Variants in ZNF804A observed in about 807,000 individuals in gnomAD.
ZNF804A encodes zinc finger protein 804A.
ZNF804A carries 2 observed loss-of-function variants against 16.5 expected under a neutral mutation model. The observed-to-expected ratio is 0.12, with a 90% confidence interval of 0.05 to 0.38. ZNF804A has a LOEUF of 0.38. Among genes scored for constraint, ZNF804A ranks in the 10% least tolerant of loss-of-function variants. The pLI is 0.99. For missense variants in ZNF804A, 1,473 were observed against 1,390.7 expected (o/e 1.06, Z -0.94); for synonymous variants, 534 against 489.6 (o/e 1.09, Z -1.20).
chr2:184,747,238 T>C (rs1238721851), intron 1 of ZNF804A, among the ~76,000 whole-genome samples: 1 of 148,028 alleles, frequency 6.8e-6, no homozygotes, highest in Non-Finnish European at 1.5e-5. Context: ...AATTAAGAAA[T>C]GTTTGAAATA....
rs749333274 is a variant in ZNF804A, at chr2:184,936,934, T to C, written c.1538T>C (p.Ile513Thr). The change falls in exon 4 of 4, where the codon ATT becomes ACT. Residue 513 changes from isoleucine (I) to threonine (T), a missense_variant. Ile to Thr is a moderately conservative substitution (Grantham distance 89). Transcript: ENST00000302277. ...ACAGAAGGACTCACTGATTATGAAA[T>C]TGGAAGTAGCAAAAATAAATGCAGC... ...VSTEGLTDYE[I>T]GSSKNKCSQV... is the part of the protein sequence containing the mutation. 3.7e-6 allele frequency: 6 copies of C among 1,613,966 alleles called. No homozygotes were observed. Among genetic ancestry groups the C allele is most frequent in the South Asian group, 1.1e-5 (1 of 91,072 alleles).
intron 2 of ZNF804A, among the ~76,000 whole-genome samples, chr2:184,884,280 A>G (rs1323857799): frequency 6.6e-6 from 1 of 151,840 alleles, no homozygotes; most frequent in Non-Finnish European, 1.5e-5. Flanking sequence ...GAATTACAAA[A>G]CCCTCCTCAA....
At chr2:184,776,462 G>T (rs1049481883) in intron 1 of ZNF804A, among the ~76,000 whole-genome samples, 3 of 150,970 alleles carry the variant, frequency 2.0e-5, no homozygotes, top group Non-Finnish European at 4.4e-5. Flanking sequence ...GGTTTTGTTG[G>T]TTGATTTATA....
At chr2:184,782,181 G>A (rs1214433108) in intron 1 of ZNF804A, among the ~76,000 whole-genome samples, 1 of 151,582 alleles carries the variant, frequency 6.6e-6, no homozygotes, top group Non-Finnish European at 1.5e-5. Flanking sequence ...GAATTTTGTT[G>A]GGGGACACCA....
At chr2:184,748,133 A>G (rs1693822104) in intron 1 of ZNF804A, among the ~76,000 whole-genome samples, 2 of 151,558 alleles carry the variant, frequency 1.3e-5, no homozygotes, top group South Asian at 4.2e-4. Flanking sequence ...TCCTTTGGGT[A>G]TATACCCAAT....
At chr2:184,718,762 A>T (rs1203294534) in intron 1 of ZNF804A, among the ~76,000 whole-genome samples, 1 of 152,130 alleles carries the variant, frequency 6.6e-6, no homozygotes, top group Non-Finnish European at 1.5e-5. Flanking sequence ...GTGACTTTGC[A>T]AGGTATAGCC....
chr2:184,880,459 C>T (rs1312388127), intron 2 of ZNF804A, among the ~76,000 whole-genome samples: 1 of 151,606 alleles, frequency 6.6e-6, no homozygotes, highest in Non-Finnish European at 1.5e-5. Flanking sequence ...ATTGTTAAGA[C>T]ACATTTTTTA....
rs1460995817 is a variant in ZNF804A, at chr2:184,931,454, CCA to C, written c.256-2147_256-2146del. On this transcript the variant is annotated intron_variant, in intron 2 of 3. Transcript: ENST00000302277. ...CCACAGGCTCAACACCATGTGTAAG[CCA>C]CCAAGACTTCGGGCTTGCACCCTCT... is the stretch of plus-strand genomic sequence containing the variant. 3.9e-5 allele frequency among the ~76,000 whole-genome samples: 6 copies of C among 152,344 alleles called. No individual in the cohort carries two copies. The East Asian group carries it at 1.2e-3, about 30-fold the overall frequency.
At position 184,853,765 on chromosome 2, in the gene ZNF804A, T is replaced by A. The variant is rs1381132969; in HGVS notation, c.112-12604T>A. Among the ~76,000 whole-genome samples the A allele has an allele frequency of 4.6e-5, 7 of 151,834 alleles. No homozygotes were observed. In the South Asian group the frequency reaches 1.2e-3, roughly 27 times the overall value. Reference sequence around the variant, plus strand: ...AATCTCAACTGATCTTGGTAAATAATGATTTTAATGTGCTGTTGAATTTTG... The same window carrying A: ...AATCTCAACTGATCTTGGTAAATAAAGATTTTAATGTGCTGTTGAATTTTG... On this transcript the variant is annotated intron_variant, in intron 1 of 3. Coordinates refer to ENST00000302277, the MANE Select transcript of ZNF804A (RefSeq NM_194250.2).
chr2:184,665,009 A>G (rs777223585), intron 1 of ZNF804A, among the ~76,000 whole-genome samples: 29 of 152,186 alleles, frequency 1.9e-4, no homozygotes, highest in Non-Finnish European at 3.2e-4. Context: ...GCACACCCTG[A>G]TATTCAACTA....
chr2:184,927,824 TC>T (rs1685633320), intron 2 of ZNF804A, among the ~76,000 whole-genome samples: 1 of 152,142 alleles, frequency 6.6e-6, no homozygotes, highest in Non-Finnish European at 1.5e-5. Context: ...CAAAAGCTCT[TC>T]GTTCAGTTTG....
intron 1 of ZNF804A, among the ~76,000 whole-genome samples, chr2:184,748,330 T>C (rs987197856): frequency 6.6e-6 from 1 of 151,458 alleles, no homozygotes; most frequent in Non-Finnish European, 1.5e-5. Context: ...GTGACTGGCA[T>C]GAGATGGTTT....
chr2:184,804,126 AG>A (rs1342132192), intron 1 of ZNF804A, among the ~76,000 whole-genome samples: 1 of 152,110 alleles, frequency 6.6e-6, no homozygotes, highest in African/African-American at 2.4e-5. Flanking sequence ...GGCCTCCCAA[AG>A]TGCTGGGATT....
chr2:184,888,942 G>A (rs548875688), intron 2 of ZNF804A, among the ~76,000 whole-genome samples: 2 of 151,500 alleles, frequency 1.3e-5, no homozygotes, highest in Non-Finnish European at 3.0e-5. Context: ...GTGTATGTGT[G>A]TATAATAAGT....
rs535056014 is a variant in ZNF804A at position 184,914,832 on chromosome 2, T to C, written c.256-18771T>C. On this transcript the variant is annotated intron_variant, in intron 2 of 3. Transcript: ENST00000302277. ...TTATTTTCCCATTACATCAAATAAA[T>C]GATTAAAATGTTAACTAACCCATAT... Among the ~76,000 whole-genome samples the C allele has an allele frequency of 3.9e-5, 6 of 152,032 alleles. No homozygotes were observed. The East Asian group carries it at 1.2e-3, about 29-fold the overall frequency.
intron 1 of ZNF804A, among the ~76,000 whole-genome samples, chr2:184,609,516 A>C (rs1234237653): frequency 2.6e-5 from 4 of 152,232 alleles, no homozygotes; most frequent in Non-Finnish European, 4.4e-5. Context: ...AAATTAATAT[A>C]GACTGGGTGG....
chr2:184,652,778 G>C (rs1043602789), intron 1 of ZNF804A, among the ~76,000 whole-genome samples: 4 of 152,210 alleles, frequency 2.6e-5, no homozygotes, highest in Middle Eastern at 3.4e-3. Context: ...TGTTATGGGA[G>C]GGACCTCATG....
At chr2:184,884,284 T>A (rs2105819098) in intron 2 of ZNF804A, among the ~76,000 whole-genome samples, 1 of 152,122 alleles carries the variant, frequency 6.6e-6, no homozygotes, top group East Asian at 1.9e-4. Flanking sequence ...TACAAAACCC[T>A]CCTCAAAGAA....
intron 1 of ZNF804A, among the ~76,000 whole-genome samples, chr2:184,761,857 C>G (rs1009321220): frequency 6.6e-5 from 10 of 152,120 alleles, no homozygotes; most frequent in Admixed American, 2.0e-4. Flanking sequence ...ATGGATCTGG[C>G]ATTATTCCTG....
Sources: allele counts gnomAD v4.1 joint callset (sites outside exome capture counted in the v4.1 genomes callset), GRCh38; gene constraint gnomAD v4.1.1; transcripts MANE v1.5; gene names NCBI Gene and HGNC (gene_info 2026-07-23, HGNC 2026-07-21).